SMIM31: variants seen among roughly 807,000 people sequenced by gnomAD.
SMIM31 encodes the protein small integral membrane protein 31, also known as human epithelial cell program regulator.
chr4:164,756,698 T>C (rs1229500266), intron 1 of SMIM31, among the ~76,000 whole-genome samples: 5 of 152,106 alleles, frequency 3.3e-5, no homozygotes, highest in Non-Finnish European at 7.4e-5. Context: ...GTAAACAATC[T>C]TCCTCTCTAC....
intron 2 of SMIM31, among the ~76,000 whole-genome samples, chr4:164,771,405 G>A (rs1302286794): frequency 6.6e-6 from 1 of 152,186 alleles, no homozygotes; most frequent in Non-Finnish European, 1.5e-5. Flanking sequence ...CACCAGGACA[G>A]GAAGCCCGGA....
chr4:164,803,566 G>A lies in SMIM31; in HGVS notation c.*2372G>A, dbSNP rs1422303452. 2 of 152,124 alleles carry A rather than the reference G, an allele frequency of 1.3e-5. No homozygotes were observed. The allele number at this position is 152,124 out of a possible 1,614,324, so 9.4% of individuals were successfully genotyped here. A position where few individuals can be genotyped will look rare whatever the true frequency, so the allele number is the denominator to read the frequency against. On this transcript the variant is annotated 3_prime_UTR_variant, in exon 3 of 3. Transcript: ENST00000507311. Reference sequence around the variant, plus strand: ...TCCCAGCACTTTGTGAAGCCGAGGTGGGTGGATCACCTGAGGTCAAGAGTT... The same window carrying A: ...TCCCAGCACTTTGTGAAGCCGAGGTAGGTGGATCACCTGAGGTCAAGAGTT...
At chr4:164,772,821 G>A (rs1483972394) in intron 2 of SMIM31, among the ~76,000 whole-genome samples, 3 of 150,972 alleles carry the variant, frequency 2.0e-5, no homozygotes, top group Non-Finnish European at 4.4e-5. Flanking sequence ...CTCGTGATCC[G>A]CCCGCCTCGG....
chr4:164,761,750 C>G (rs1732652919), intron 1 of SMIM31, among the ~76,000 whole-genome samples: 1 of 134,818 alleles, frequency 7.4e-6, no homozygotes, highest in Non-Finnish European at 1.6e-5. Flanking sequence ...AACCCCATCT[C>G]TACTAAAAAT....
At chr4:164,755,329 A>T (rs1732543663) in intron 1 of SMIM31, among the ~76,000 whole-genome samples, 1 of 150,370 alleles carries the variant, frequency 6.7e-6, no homozygotes, top group African/African-American at 2.5e-5. Flanking sequence ...AAAATGCAAA[A>T]ATTAGCTGGA....
rs35632469 is a variant in SMIM31, at chr4:164,758,801, A to ATTTTTTTTTTTTTTTT, written c.-26+4415_-26+4430dup. Among the ~76,000 whole-genome samples the ATTTTTTTTTTTTTTTT allele has an allele frequency of 6.4e-4, 39 of 60,912 alleles. 1 individual carries two copies. Among genetic ancestry groups the ATTTTTTTTTTTTTTTT allele is most frequent in the African/African-American group, 9.4e-4 (14 of 14,818 alleles). 40.0% of individuals were successfully genotyped at this position (60,912 alleles called of 152,430 possible). On this transcript the variant is annotated intron_variant, in intron 1 of 2. Transcript: ENST00000507311. ...GGCGCCCGCCACCACGCCCGGCCAA[A>ATTTTTTTTTTTTTTTT]TTTTTTTTTTTTTTTTTTTTTTTTT... is the stretch of plus-strand genomic sequence containing the variant.
chr4:164,772,580 A>ATTTTT (rs1732820310), intron 2 of SMIM31, among the ~76,000 whole-genome samples: 3 of 73,872 alleles, frequency 4.1e-5, no homozygotes, highest in Non-Finnish European at 6.4e-5. Context: ...TTTTATTTTT[A>ATTTTT]TTTTATTTTT....
chr4:164,772,586 T>TTTTA (rs1491528860), intron 2 of SMIM31, among the ~76,000 whole-genome samples: 1 of 19,252 alleles, frequency 5.2e-5, no homozygotes, highest in Non-Finnish European at 1.4e-4. Flanking sequence ...TTTTATTTTA[T>TTTTA]TTTTTTTTTT....
intron 2 of SMIM31, among the ~76,000 whole-genome samples, chr4:164,773,405 T>G (rs1203924241): frequency 6.6e-6 from 1 of 152,232 alleles, no homozygotes; most frequent in Admixed American, 6.5e-5. Context: ...GAGGTCTAAT[T>G]GACTCACAGT....
At chr4:164,778,903 T>A (rs1732911777) in intron 2 of SMIM31, among the ~76,000 whole-genome samples, 1 of 152,064 alleles carries the variant, frequency 6.6e-6, no homozygotes, top group South Asian at 2.1e-4. Flanking sequence ...CCGCCATGTT[T>A]ACTATAACCA....
At chr4:164,761,836 G>C (rs1732654308) in intron 1 of SMIM31, among the ~76,000 whole-genome samples, 2 of 151,836 alleles carry the variant, frequency 1.3e-5, no homozygotes, top group Admixed American at 6.6e-5. Context: ...AGACAGAGAA[G>C]TGCTTGAACC....
At chr4:164,792,776 A>G (rs6536858) in intron 2 of SMIM31, among the ~76,000 whole-genome samples, 110,459 of 151,962 alleles carry the variant, frequency 0.73, 40,672 homozygotes, top group Non-Finnish European at 0.8. Context: ...AAAATTTATC[A>G]TAAAATTCAT....
chr4:164,764,969 T>C (rs543006229), intron 1 of SMIM31, among the ~76,000 whole-genome samples: 1 of 152,210 alleles, frequency 6.6e-6, no homozygotes, highest in African/African-American at 2.4e-5. Flanking sequence ...GAGTTCCTCA[T>C]CACTAGAGGA....
At chr4:164,785,763 T>C (rs1371491183) in intron 2 of SMIM31, among the ~76,000 whole-genome samples, 13 of 146,004 alleles carry the variant, frequency 8.9e-5, no homozygotes, top group African/African-American at 2.0e-4. Flanking sequence ...TATATATATA[T>C]ACACATATAT....
At chr4:164,780,779 T>C (rs755522886) in intron 2 of SMIM31, among the ~76,000 whole-genome samples, 1 of 152,204 alleles carries the variant, frequency 6.6e-6, no homozygotes, top group Non-Finnish European at 1.5e-5. Context: ...TCTATTAGAA[T>C]GACTAAAATT....
At chr4:164,790,010 A>T (rs1378205821) in intron 2 of SMIM31, among the ~76,000 whole-genome samples, 2 of 152,202 alleles carry the variant, frequency 1.3e-5, no homozygotes, top group Non-Finnish European at 2.9e-5. Context: ...TGGAGACTTC[A>T]TTCAGCTTTC....
intron 2 of SMIM31, among the ~76,000 whole-genome samples, chr4:164,771,573 A>G (rs1732802615): frequency 1.3e-5 from 2 of 151,904 alleles, no homozygotes; most frequent in Admixed American, 1.3e-4. Flanking sequence ...AGGCCGAGGC[A>G]GGCGGATCAC....
chr4:164,774,417 T>C (rs1732854752), intron 2 of SMIM31, among the ~76,000 whole-genome samples: 1 of 152,168 alleles, frequency 6.6e-6, no homozygotes, highest in African/African-American at 2.4e-5. Context: ...AATGAGTGCT[T>C]AATAGAATTA....
rs1310231269 is a variant in SMIM31 at position 164,758,609 on chromosome 4, A to G, written c.-26+4198A>G. Among the ~76,000 whole-genome samples, 4 of 138,132 alleles carry G rather than the reference A, an allele frequency of 2.9e-5. No individual in the cohort carries two copies. In the Admixed American group the frequency reaches 3.0e-4, roughly 10 times the overall value. 90.6% of individuals were successfully genotyped at this position (138,132 alleles called of 152,430 possible). A position where few individuals can be genotyped will look rare whatever the true frequency, so the allele number is the denominator to read the frequency against. On this transcript the variant is annotated intron_variant, in intron 1 of 2. Coordinates refer to ENST00000507311, the MANE Select transcript of SMIM31 (RefSeq NM_001352885.1). Reference sequence around the variant, plus strand: ...TGTCAGTATTTATGGAAATGACCATATATGTAGTTTTCCTTTTTTTGTTTT... The same window carrying G: ...TGTCAGTATTTATGGAAATGACCATGTATGTAGTTTTCCTTTTTTTGTTTT...
Sources: allele counts gnomAD v4.1 joint callset (sites outside exome capture counted in the v4.1 genomes callset), GRCh38; gene constraint gnomAD v4.1.1; transcripts MANE v1.5; gene names NCBI Gene and HGNC (gene_info 2026-07-23, HGNC 2026-07-21).